The following PCSK6 variants were observed in gnomAD, a reference collection of about 807,000 sequenced individuals.
The protein encoded by PCSK6 is paired basic amino acid cleaving enzyme 4.
A neutral mutation model predicts 123.3 loss-of-function variants in PCSK6; 85 were observed. The observed-to-expected ratio is 0.69, with a 90% CI of 0.58 to 0.83. The LOEUF (loss-of-function observed/expected upper bound fraction) is 0.83. PCSK6 is among the 40% of genes least tolerant of loss of function. The pLI, the probability that PCSK6 is intolerant of heterozygous loss-of-function variation, is 0.00. For missense variants in PCSK6, 1,191 were observed against 1,282.3 expected (o/e 0.93, Z 1.09); for synonymous variants, 508 against 516.0 (o/e 0.98, Z 0.21).
chr15:101,371,725 C>T (rs1160119545), intron 11 of PCSK6, among the ~76,000 whole-genome samples: 6 of 152,152 alleles, frequency 3.9e-5, no homozygotes, highest in South Asian at 2.1e-4. Flanking sequence ...TCACTGCCTC[C>T]GCCTCCAGGC....
In PCSK6 at chr15:101,420,565, T is replaced by C. The variant is rs180898161; in HGVS notation, c.823+7327A>G. 2.6e-5 allele frequency among the ~76,000 whole-genome samples: 4 copies of C among 152,308 alleles called. No individual in the cohort carries two copies. The East Asian group carries it at 5.8e-4, about 22-fold the overall frequency. ...TTTTTGTAGAGACAGGGTATCACTA[T>C]GTTGACCAGGTTGGTCTCAAATTTC... On this transcript the variant is annotated intron_variant, in intron 6 of 21. Coordinates refer to ENST00000611716, the MANE Select transcript of PCSK6 (RefSeq NM_002570.5).
chr15:101,347,485 G>T (rs1405733630), intron 13 of PCSK6: 1 of 1,296,152 alleles, frequency 7.7e-7, no homozygotes, highest in Admixed American at 3.4e-5. Context: ...ATTTTACTGA[G>T]TATGTACAGC....
chr15:101,318,369 G>T lies in PCSK6; in HGVS notation c.2519C>A (p.Ser840Ter). The change falls in exon 19 of 22, where the codon TCA becomes TAA. Residue 840 changes from serine to a stop codon, truncating the protein, a stop_gained. Transcript: ENST00000611716. LOFTEE classifies it high-confidence loss of function. ...GCATTCCCCACATCTGATCAGCTCT[G>T]AGTCAAAGTAGGTGCCTGGCTCACA... ...PDCEPGTYFD[S>*]ELIRCGECHH... 1 of 1,566,608 alleles carries T rather than the reference G, an allele frequency of 6.4e-7. No individual in the cohort carries two copies.
At chr15:101,359,861 C>A (rs2041160080) in intron 13 of PCSK6, among the ~76,000 whole-genome samples, 1 of 152,228 alleles carries the variant, frequency 6.6e-6, no homozygotes, top group African/African-American at 2.4e-5. Context: ...ACTTAATATA[C>A]CTAATCCGAA....
chr15:101,331,984 G>A lies in PCSK6; in HGVS notation c.1906C>T (p.Pro636Ser), dbSNP rs2040381335. ...TGATGGGCACTGAAGGTGTGGTACGGGTGCTCTGCTGTGCCATACAGTATG... is the reference window on the plus strand; with the variant it reads ...TGATGGGCACTGAAGGTGTGGTACGAGTGCTCTGCTGTGCCATACAGTATG... The part of the protein sequence containing the change: ...SLILYGTAEH[P>S]YHTFSAHQSR... The change falls in exon 14 of 22, where the codon CCG becomes TCG. Residue 636 changes from proline to serine, a missense_variant. This residue lies in a region of PCSK6 where 630 missense variants were observed against 631.4 expected (regional missense o/e 1.00). Coordinates refer to ENST00000611716, the MANE Select transcript of PCSK6 (RefSeq NM_002570.5). 1 of 1,613,626 alleles carries A rather than the reference G, an allele frequency of 6.2e-7. No homozygotes were observed. The highest frequency in any genetic ancestry group is 1.1e-5 in the South Asian group (1 of 91,004).
chr15:101,396,012 A>G (rs773057403), intron 7 of PCSK6, among the ~76,000 whole-genome samples: 3 of 152,196 alleles, frequency 2.0e-5, no homozygotes, highest in Non-Finnish European at 4.4e-5. Flanking sequence ...TAGGCGACAA[A>G]TAGGGCCACA....
chr15:101,372,350 T>C (rs981990241), intron 11 of PCSK6, among the ~76,000 whole-genome samples: 1 of 152,224 alleles, frequency 6.6e-6, no homozygotes, highest in African/African-American at 2.4e-5. Context: ...ACTGCTTGGC[T>C]CTACTGGGCC....
At chr15:101,308,157 C>T (rs1259098186) in intron 20 of PCSK6, 1 of 152,312 alleles carries the variant, frequency 6.6e-6, no homozygotes, top group Non-Finnish European at 1.5e-5. Flanking sequence ...CGTTTCCCAT[C>T]CTGGGGCCGT....
chr15:101,371,235 C>A lies in PCSK6; in HGVS notation c.1533-712G>T, dbSNP rs551064848. 3.9e-5 allele frequency among the ~76,000 whole-genome samples: 6 copies of A among 152,186 alleles called. No individual in the cohort carries two copies. The East Asian group carries it at 1.2e-3, about 29-fold the overall frequency. On this transcript the variant is annotated intron_variant, in intron 11 of 21. Coordinates refer to ENST00000611716, the MANE Select transcript of PCSK6 (RefSeq NM_002570.5). ...AATAAAATAAAATAAAAGATGGGTT[C>A]TTGGGCAGACTTGGGTGAATGTCCC...
At chr15:101,446,847 G>A (rs972566482) in intron 1 of PCSK6, among the ~76,000 whole-genome samples, 25 of 152,050 alleles carry the variant, frequency 1.6e-4, no homozygotes, top group African/African-American at 5.3e-4. Flanking sequence ...TCTCTGAGAC[G>A]TGCTTTTTCC....
rs10639429 is a variant in PCSK6 at position 101,361,956 on chromosome 15, C to CTTTT, written c.1858+4236_1858+4239dup. Reference sequence around the variant, plus strand: ...CCAAGCAATGGAGTGCAAGGTGAAGCTTTTTTTTTTTTTTTTTTGAGTTGG... The same window carrying CTTTT: ...CCAAGCAATGGAGTGCAAGGTGAAGCTTTTTTTTTTTTTTTTTTTTTTGAGTTGG... On this transcript the variant is annotated intron_variant, in intron 13 of 21. Transcript: ENST00000611716. Among the ~76,000 whole-genome samples the CTTTT allele has an allele frequency of 9.0e-3, 1,006 of 111,500 alleles. 92 individuals carry two copies. The highest frequency in any genetic ancestry group is 0.033 in the African/African-American group (918 of 27,608). The allele number at this position is 111,500 out of a possible 152,430, so 73.1% of individuals were successfully genotyped here.
chr15:101,447,693 C>G (rs531001100), intron 1 of PCSK6, among the ~76,000 whole-genome samples: 8 of 152,364 alleles, frequency 5.3e-5, no homozygotes, highest in African/African-American at 9.6e-5. Flanking sequence ...GGCATTTGCC[C>G]TGATGGCAGG....
intron 13 of PCSK6, among the ~76,000 whole-genome samples, chr15:101,333,734 A>G (rs1434185514): frequency 7.8e-6 from 1 of 127,774 alleles, no homozygotes; most frequent in Non-Finnish European, 1.6e-5. Flanking sequence ...ATTCCAGAAC[A>G]GGAGCTCCTG....
chr15:101,417,067 G>A (rs1158251319), intron 6 of PCSK6, among the ~76,000 whole-genome samples: 3 of 152,194 alleles, frequency 2.0e-5, no homozygotes, highest in Non-Finnish European at 2.9e-5. Context: ...CTGGCAGCTT[G>A]TACCATGTGC....
chr15:101,380,437 C>T lies in PCSK6; in HGVS notation c.1532+1655G>A, dbSNP rs114717041. ...AGCCTCTGAGGGTCCAGGCTGCAGG[C>T]GTTTTCCAGCAAAGACAGAGAAGGC... On this transcript the variant is annotated intron_variant, in intron 11 of 21. Transcript: ENST00000611716. 9.5e-3 allele frequency among the ~76,000 whole-genome samples: 1,450 copies of T among 152,230 alleles called. 24 individuals carry two copies. The highest frequency in any genetic ancestry group is 0.033 in the African/African-American group (1,357 of 41,526).
intron 20 of PCSK6, among the ~76,000 whole-genome samples, chr15:101,312,829 CA>C: frequency 6.6e-6 from 1 of 150,862 alleles, no homozygotes; most frequent in Non-Finnish European, 1.5e-5. Context: ...GACTCCATCT[CA>C]AAAAAAACGA....
At chr15:101,358,304 TA>T (rs112690058) in intron 13 of PCSK6, among the ~76,000 whole-genome samples, 2 of 151,532 alleles carry the variant, frequency 1.3e-5, no homozygotes, top group South Asian at 2.1e-4. Flanking sequence ...GCTACTAAGA[TA>T]AAAAAAAACA....
At chr15:101,360,886 C>T (rs945064414) in intron 13 of PCSK6, among the ~76,000 whole-genome samples, 1 of 152,218 alleles carries the variant, frequency 6.6e-6, no homozygotes, top group Non-Finnish European at 1.5e-5. Context: ...CATTTTTCTC[C>T]TTAGAGCTTC....
chr15:101,368,994 G>A (rs998081564), intron 12 of PCSK6, among the ~76,000 whole-genome samples: 7 of 152,186 alleles, frequency 4.6e-5, no homozygotes, highest in African/African-American at 9.6e-5. Context: ...CAGCACGGCC[G>A]GGCCTCCCGG....
Sources: gnomAD v4.1 joint callset for allele counts (sites outside exome capture counted in the v4.1 genomes callset) on GRCh38, gnomAD v4.1.1 for gene constraint, gnomAD v4.1.1 regional missense constraint, MANE v1.5 for transcripts, NCBI Gene and HGNC (gene_info 2026-07-23, HGNC 2026-07-21) for gene names.